Variants in GAS7 observed in about 807,000 individuals in gnomAD.
The protein encoded by GAS7 is growth arrest-specific protein 7.
GAS7 carries 28 observed loss-of-function variants against 71.1 expected under a neutral mutation model. The ratio of observed to expected loss-of-function variants is 0.39; its 90% CI spans 0.29 to 0.54. The LOEUF (loss-of-function observed/expected upper bound fraction) is 0.54. GAS7 is among the 20% of genes least tolerant of loss of function. The pLI is 0.62. For synonymous variants in GAS7, 258 were observed against 245.8 expected, an observed-to-expected ratio of 1.05 and a Z score of -0.46; for missense variants, 436 against 627.8, an observed-to-expected ratio of 0.69 and a Z score of 3.27.
intron 2 of GAS7, among the ~76,000 whole-genome samples, chr17:10,015,599 A>C (rs1416916749): frequency 6.6e-6 from 1 of 152,262 alleles, no homozygotes; most frequent in Non-Finnish European, 1.5e-5. Flanking sequence ...AAAGGCAGGC[A>C]GATTAAAATA....
rs979313794 is a variant in GAS7 at position 9,910,903 on chromosome 17, C to T, written c.*6325G>A. Reference sequence around the variant, plus strand: ...TTCATACCGGGGTGAGGAGTGCTGGCGGGAGACACGGCTCTTTAACATGAA... The same window carrying T: ...TTCATACCGGGGTGAGGAGTGCTGGTGGGAGACACGGCTCTTTAACATGAA... On this transcript the variant is annotated 3_prime_UTR_variant, in exon 14 of 14. Coordinates refer to ENST00000432992, the MANE Select transcript of GAS7 (RefSeq NM_201433.2). 6 of 229,476 alleles carry T rather than the reference C, an allele frequency of 2.6e-5. No individual in the cohort carries two copies. Among genetic ancestry groups the T allele is most frequent in the African/African-American group, 1.3e-4 (6 of 44,934 alleles). 14.2% of individuals were successfully genotyped at this position (229,476 alleles called of 1,614,324 possible). A position where few individuals can be genotyped will look rare whatever the true frequency, so the allele number is the denominator to read the frequency against.
intron 1 of GAS7, among the ~76,000 whole-genome samples, chr17:10,076,714 T>A (rs1567582116): frequency 1.3e-5 from 2 of 152,278 alleles, no homozygotes; most frequent in East Asian, 3.9e-4. Flanking sequence ...GATTTCAAGT[T>A]GAAAACATTG....
chr17:10,049,354 AT>A (rs2073028631), intron 1 of GAS7, among the ~76,000 whole-genome samples: 1 of 152,160 alleles, frequency 6.6e-6, no homozygotes, highest in South Asian at 2.1e-4. Flanking sequence ...CCCTCTTTAT[AT>A]CATCCTCCCT....
At chr17:9,938,012 G>A (rs1175311310) in intron 8 of GAS7, among the ~76,000 whole-genome samples, 3 of 152,120 alleles carry the variant, frequency 2.0e-5, no homozygotes, top group South Asian at 2.1e-4. Flanking sequence ...TTTTGTGAGT[G>A]CAACTACCAC....
At chr17:10,087,837 T>C (rs1219056150) in intron 1 of GAS7, among the ~76,000 whole-genome samples, 2 of 151,806 alleles carry the variant, frequency 1.3e-5, no homozygotes, top group Non-Finnish European at 2.9e-5. Context: ...GTCTACAAAG[T>C]GGCATATTTG....
chr17:10,072,311 C>T (rs1208431046), intron 1 of GAS7, among the ~76,000 whole-genome samples: 3 of 152,156 alleles, frequency 2.0e-5, no homozygotes, highest in Non-Finnish European at 2.9e-5. Flanking sequence ...GACTGGGGCC[C>T]CAGAAGACAA....
At chr17:10,109,600 T>C (rs1185774824) in intron 1 of GAS7, among the ~76,000 whole-genome samples, 2 of 152,112 alleles carry the variant, frequency 1.3e-5, no homozygotes, top group African/African-American at 4.8e-5. Flanking sequence ...TGGGTATTTA[T>C]CCAAACAAAA....
At chr17:10,079,284 G>A (rs180762684) in intron 1 of GAS7, among the ~76,000 whole-genome samples, 211 of 152,222 alleles carry the variant, frequency 1.4e-3, no homozygotes, top group African/African-American at 4.4e-3. Flanking sequence ...ACTGTAAACC[G>A]AAAATAAAAT....
At chr17:10,150,214 A>C (rs1411068695) in intron 1 of GAS7, among the ~76,000 whole-genome samples, 1 of 152,170 alleles carries the variant, frequency 6.6e-6, no homozygotes, top group Non-Finnish European at 1.5e-5. Flanking sequence ...CCAGGTGATG[A>C]CTCATTCACC....
rs534583404 is a variant in GAS7 at position 9,943,514 on chromosome 17, G to A, written c.616-278C>T. 9.2e-5 allele frequency among the ~76,000 whole-genome samples: 14 copies of A among 152,320 alleles called. No homozygotes were observed. The East Asian group carries it at 2.3e-3, about 25-fold the overall frequency. ...GGAACTGAGAGGAAGAAGGGCAAGT[G>A]TCCAAGAGCACCGGCTGTGATGCCT... On this transcript the variant is annotated intron_variant, in intron 6 of 13. Coordinates refer to ENST00000432992, the MANE Select transcript of GAS7 (RefSeq NM_201433.2).
In GAS7 at chr17:10,009,685, A is replaced by C. The variant is rs974416754; in HGVS notation, c.304+10092T>G. Among the ~76,000 whole-genome samples the C allele has an allele frequency of 9.1e-4, 138 of 151,650 alleles. 1 individual carries two copies. The highest frequency in any genetic ancestry group is 3.4e-3 in the Middle Eastern group (1 of 292). ...AGACCCCTTCTCAAAAAAAAAAAAA[A>C]AAAACCAAACAAAAAATAAAACACT... On this transcript the variant is annotated intron_variant, in intron 2 of 13. Transcript: ENST00000432992.
At chr17:10,119,372 C>G (rs1597803158) in intron 1 of GAS7, among the ~76,000 whole-genome samples, 1 of 152,296 alleles carries the variant, frequency 6.6e-6, no homozygotes, top group East Asian at 1.9e-4. Context: ...TGGGCCTGGC[C>G]CAGGCCCTCA....
At chr17:10,148,454 CAAA>C (rs34252972) in intron 1 of GAS7, among the ~76,000 whole-genome samples, 35 of 141,952 alleles carry the variant, frequency 2.5e-4, no homozygotes, top group African/African-American at 2.3e-4. Flanking sequence ...ACTAAAATTA[CAAA>C]AAAAAAAAAA....
At chr17:10,178,436 C>T (rs951178580) in intron 1 of GAS7, among the ~76,000 whole-genome samples, 8 of 152,036 alleles carry the variant, frequency 5.3e-5, no homozygotes, top group East Asian at 1.9e-4. Context: ...ATGTCCACTC[C>T]GGCTATTTTC....
chr17:9,951,440 G>A (rs1043453536), intron 5 of GAS7, among the ~76,000 whole-genome samples: 7 of 151,522 alleles, frequency 4.6e-5, no homozygotes, highest in African/African-American at 1.2e-4. Flanking sequence ...CCCTCTTGTC[G>A]GGGAAACACT....
intron 1 of GAS7, among the ~76,000 whole-genome samples, chr17:10,141,059 AC>A (rs1237672683): frequency 6.6e-6 from 1 of 152,154 alleles, no homozygotes; most frequent in East Asian, 1.9e-4. Context: ...GCTTCTGGGG[AC>A]CCAGGGAAGT....
At chr17:10,138,892 A>G (rs1208080759) in intron 1 of GAS7, among the ~76,000 whole-genome samples, 1 of 152,258 alleles carries the variant, frequency 6.6e-6, no homozygotes, top group African/African-American at 2.4e-5. Context: ...ATCCTGCTAG[A>G]AAGTCTATTC....
chr17:9,979,466 G>A (rs1031393755), intron 3 of GAS7, among the ~76,000 whole-genome samples: 19 of 152,324 alleles, frequency 1.2e-4, no homozygotes, highest in Non-Finnish European at 2.5e-4. Flanking sequence ...TGATGCACCT[G>A]TAGGGTAAAG....
chr17:10,063,363 C>A (rs918630691), intron 1 of GAS7, among the ~76,000 whole-genome samples: 1 of 152,184 alleles, frequency 6.6e-6, no homozygotes, highest in African/African-American at 2.4e-5. Context: ...TCAGGAGGAC[C>A]CCTTCCATCC....
Sources: gnomAD v4.1 joint callset for allele counts (sites outside exome capture counted in the v4.1 genomes callset) on GRCh38, gnomAD v4.1.1 for gene constraint, MANE v1.5 for transcripts, NCBI Gene and HGNC (gene_info 2026-07-23, HGNC 2026-07-21) for gene names.